Variants in CSTPP1 observed in about 807,000 individuals in gnomAD.
The protein encoded by CSTPP1 is centriolar satellite-associated tubulin polyglutamylase complex regulator 1, also known as UPF0705 protein C11orf49.
At chr11:47,080,735 G>C in the CSTPP1 span, among the ~76,000 whole-genome samples, 1 of 152,086 alleles carries the variant, frequency 6.6e-6, no homozygotes. Context: ...AGGGCCAGGT[G>C]CAGTGGCTCA....
the CSTPP1 span, chr11:46,987,267 G>T: frequency 2.5e-6 from 4 of 1,614,188 alleles, no homozygotes; most frequent in Non-Finnish European, 3.4e-6. Context: ...AGAAAACAGG[G>T]AAGATATTAG....
At chr11:47,063,739 G>A in the CSTPP1 span, among the ~76,000 whole-genome samples, 1 of 152,112 alleles carries the variant, frequency 6.6e-6, no homozygotes, top group Non-Finnish European at 1.5e-5. Flanking sequence ...ATGGCCACTT[G>A]GGTTGTTTCT....
the CSTPP1 span, among the ~76,000 whole-genome samples, chr11:47,113,061 A>T: frequency 6.6e-6 from 1 of 152,072 alleles, no homozygotes; most frequent in Non-Finnish European, 1.5e-5. Context: ...TCATTGTTCA[A>T]TTCCCACCTA....
At chr11:46,979,660 C>T in the CSTPP1 span, among the ~76,000 whole-genome samples, 48,198 of 151,988 alleles carry the variant, frequency 0.32, 9,427 homozygotes, top group Non-Finnish European at 0.42. Flanking sequence ...TGCCTGTAAT[C>T]GCAGCACTTT....
At chr11:47,096,155 T>A in the CSTPP1 span, among the ~76,000 whole-genome samples, 3 of 152,202 alleles carry the variant, frequency 2.0e-5, no homozygotes, top group Admixed American at 2.0e-4. Context: ...TTGAAGAACC[T>A]TTTTCTGAAT....
At chr11:47,065,853 C>T in the CSTPP1 span, among the ~76,000 whole-genome samples, 1 of 152,002 alleles carries the variant, frequency 6.6e-6, no homozygotes, top group Non-Finnish European at 1.5e-5. Context: ...GAGCAATTCA[C>T]CTGCTTCAGC....
the CSTPP1 span, among the ~76,000 whole-genome samples, chr11:47,046,437 CA>C: frequency 2.0e-5 from 3 of 151,756 alleles, no homozygotes; most frequent in Non-Finnish European, 4.4e-5. Flanking sequence ...AAAGAGCATC[CA>C]AAAGATTTAG....
At chr11:47,031,761 A>AT in the CSTPP1 span, among the ~76,000 whole-genome samples, 8 of 147,240 alleles carry the variant, frequency 5.4e-5, no homozygotes, top group South Asian at 1.7e-3. Flanking sequence ...TAAATATTGT[A>AT]TTAGGGTTCT....
the CSTPP1 span, among the ~76,000 whole-genome samples, chr11:47,026,727 A>C: frequency 2.6e-5 from 4 of 152,046 alleles, no homozygotes; most frequent in Non-Finnish European, 5.9e-5. Context: ...AAAATACAAA[A>C]ATTAGCTGGC....
At chr11:46,968,968 T>G in the CSTPP1 span, among the ~76,000 whole-genome samples, 2 of 151,374 alleles carry the variant, frequency 1.3e-5, no homozygotes, top group African/African-American at 4.9e-5. Context: ...AAGAGAAGCA[T>G]TAGGGTTATA....
chr11:46,995,120 A>T, the CSTPP1 span, among the ~76,000 whole-genome samples: 1 of 152,126 alleles, frequency 6.6e-6, no homozygotes, highest in African/African-American at 2.4e-5. Flanking sequence ...ATCAGTGGTA[A>T]TATCCCCTTT....
the CSTPP1 span, among the ~76,000 whole-genome samples, chr11:46,937,162 A>G: frequency 6.6e-6 from 1 of 152,168 alleles, no homozygotes; most frequent in Non-Finnish European, 1.5e-5. Context: ...GTGGAGTAAG[A>G]ATAACCTTGG....
chr11:46,999,449 C>G, the CSTPP1 span, among the ~76,000 whole-genome samples: 1 of 152,126 alleles, frequency 6.6e-6, no homozygotes, highest in Non-Finnish European at 1.5e-5. Context: ...ATAGAGTCCA[C>G]TGTTCTCTAC....
the CSTPP1 span, chr11:47,157,340 A>G: frequency 3.6e-6 from 4 of 1,122,472 alleles, no homozygotes; most frequent in South Asian, 1.7e-5. Flanking sequence ...TGCTGGTCAT[A>G]ATGTAACAGT....
the CSTPP1 span, among the ~76,000 whole-genome samples, chr11:46,955,376 T>G: frequency 6.6e-6 from 1 of 151,570 alleles, no homozygotes; most frequent in Non-Finnish European, 1.5e-5. Context: ...TTTGTTTTTT[T>G]TTTTTCGAGA....
chr11:47,161,656 G>A, the CSTPP1 span: 1 of 1,594,940 alleles, frequency 6.3e-7, no homozygotes, highest in Non-Finnish European at 8.5e-7. Context: ...AAAGGGTCCT[G>A]CCCACAGCGC....
At chr11:47,038,449 G>T in the CSTPP1 span, among the ~76,000 whole-genome samples, 2 of 104,520 alleles carry the variant, frequency 1.9e-5, no homozygotes, top group Non-Finnish European at 4.9e-5. Flanking sequence ...CTGGCCGGGC[G>T]GGGGGCTGAC....
At chr11:47,153,369 C>T in the CSTPP1 span, among the ~76,000 whole-genome samples, 1 of 151,782 alleles carries the variant, frequency 6.6e-6, no homozygotes, top group Non-Finnish European at 1.5e-5. Flanking sequence ...GTGGTGGAGG[C>T]AGCTGTCGTT....
At chr11:46,960,707 C>T in the CSTPP1 span, among the ~76,000 whole-genome samples, 1 of 152,248 alleles carries the variant, frequency 6.6e-6, no homozygotes, top group South Asian at 2.1e-4. Flanking sequence ...AAAAAATTAG[C>T]CAGGCATGGT....
Sources: allele counts gnomAD v4.1 joint callset (sites outside exome capture counted in the v4.1 genomes callset), GRCh38; gene constraint gnomAD v4.1.1; transcripts MANE v1.5; gene names NCBI Gene and HGNC (gene_info 2026-07-23, HGNC 2026-07-21).